Variants in KANSL1L observed in about 807,000 individuals in gnomAD.
KANSL1L encodes the protein KAT8 regulatory NSL complex subunit 1-like protein.
KANSL1L carries 25 observed loss-of-function variants against 108.6 expected under a neutral mutation model. The ratio of observed to expected loss-of-function variants is 0.23; its 90% confidence interval spans 0.17 to 0.32. KANSL1L has a LOEUF of 0.32. Ranked by LOEUF, KANSL1L falls within the 10% of genes least tolerant of loss-of-function variation. KANSL1L has a pLI of 1.00. For missense variants in KANSL1L, 1,137 were observed against 1,125.7 expected (o/e 1.01, Z -0.14); for synonymous variants, 405 against 395.1 (o/e 1.03, Z -0.30).
At chr2:210,072,757 C>CCA (rs2094516610) in intron 6 of KANSL1L, among the ~76,000 whole-genome samples, 1 of 152,116 alleles carries the variant, frequency 6.6e-6, no homozygotes, top group African/African-American at 2.4e-5. Flanking sequence ...TTCTAACATG[C>CCA]CACGGACCAG....
chr2:210,029,062 G>A (rs760135315), intron 10 of KANSL1L, 93 bp from the exon 11 acceptor site: 19 of 1,066,878 alleles, frequency 1.8e-5, no homozygotes, highest in East Asian at 8.1e-5. Context: ...GGCAGTACAC[G>A]TTACATAATT....
rs1218420237 is a variant in KANSL1L at position 210,089,538 on chromosome 2, AGTGAG to A, written c.1550+8543_1550+8547del. Among the ~76,000 whole-genome samples, 10 of 152,326 alleles carry A rather than the reference AGTGAG, an allele frequency of 6.6e-5. No homozygotes were observed. In the South Asian group the frequency reaches 2.1e-3, roughly 32 times the overall value. ...CGTTCCATTAAATTTAAAATAAAGA[AGTGAG>A]GTGTAAAGAGATTAACACACCTGCC... On this transcript the variant is annotated intron_variant, in intron 5 of 14. Transcript: ENST00000281772.
chr2:210,024,067 C>A lies in KANSL1L; in HGVS notation c.2699G>T (p.Gly900Val). ...TTGACTTTGATTTAAAGAAGGTAAGCCATATGCACACAGATCCTGGTTCTC... is the reference window on the plus strand; with the variant it reads ...TTGACTTTGATTTAAAGAAGGTAAGACATATGCACACAGATCCTGGTTCTC... ...PSENQDLCAY[G>V]LPSLNQSQET... Residue 900 changes from glycine to valine, a missense_variant, in exon 14 of 15, where the codon GGC becomes GTC. Coordinates refer to ENST00000281772, the MANE Select transcript of KANSL1L (RefSeq NM_152519.4). The A allele has an allele frequency of 6.3e-7, 1 of 1,599,166 alleles. No homozygotes were observed. Among genetic ancestry groups the A allele is most frequent in the Admixed American group, 1.7e-5 (1 of 57,588 alleles).
At chr2:210,089,309 C>T (rs1195095062) in intron 5 of KANSL1L, among the ~76,000 whole-genome samples, 1 of 152,182 alleles carries the variant, frequency 6.6e-6, no homozygotes, top group Non-Finnish European at 1.5e-5. Flanking sequence ...ACAGTAATTT[C>T]TCTCTATTTA....
intron 5 of KANSL1L, chr2:210,096,885 T>G (rs2094741049): frequency 2.2e-6 from 1 of 463,798 alleles, no homozygotes; most frequent in African/African-American, 2.1e-5. Context: ...AAAGATTAGA[T>G]GTTCAAAATA....
At chr2:210,035,421 T>C (rs2094087922) in intron 8 of KANSL1L, among the ~76,000 whole-genome samples, 1 of 152,212 alleles carries the variant, frequency 6.6e-6, no homozygotes, top group Non-Finnish European at 1.5e-5. Flanking sequence ...AGCAAAGATC[T>C]GTCTACTGCC....
chr2:210,162,290 A>G (rs1379072889), intron 1 of KANSL1L, among the ~76,000 whole-genome samples: 2 of 148,138 alleles, frequency 1.4e-5, no homozygotes, highest in African/African-American at 2.5e-5. Context: ...TTCAAGACAG[A>G]GTCAACAATG....
chr2:210,076,759 ATAAAT>A (rs1375455233), intron 5 of KANSL1L, among the ~76,000 whole-genome samples: 5 of 151,800 alleles, frequency 3.3e-5, no homozygotes, highest in Non-Finnish European at 7.4e-5. Flanking sequence ...TCGTTGCCAC[ATAAAT>A]TTAACTTCAT....
At chr2:210,056,005 C>T (rs1275591998) in intron 6 of KANSL1L, among the ~76,000 whole-genome samples, 1 of 152,250 alleles carries the variant, frequency 6.6e-6, no homozygotes, top group Non-Finnish European at 1.5e-5. Context: ...CATCACAGGC[C>T]TGGAGACTTA....
At chr2:210,059,018 G>T (rs757902493) in intron 6 of KANSL1L, among the ~76,000 whole-genome samples, 1 of 151,556 alleles carries the variant, frequency 6.6e-6, no homozygotes, top group Non-Finnish European at 1.5e-5. Context: ...ATGAAATATC[G>T]GGGGTGAATT....
chr2:210,170,872 G>A (rs1160644204), intron 1 of KANSL1L, among the ~76,000 whole-genome samples: 1 of 125,320 alleles, frequency 8.0e-6, no homozygotes, highest in Admixed American at 9.1e-5. Context: ...GTCCAGGTCC[G>A]CCCCCACCCC....
At chr2:210,116,865 G>A (rs1021030678) in intron 3 of KANSL1L, among the ~76,000 whole-genome samples, 3 of 152,160 alleles carry the variant, frequency 2.0e-5, no homozygotes, top group African/African-American at 7.2e-5. Flanking sequence ...AGAACACCCA[G>A]GAACACATGG....
At chr2:210,059,834 C>T (rs552238741) in intron 6 of KANSL1L, among the ~76,000 whole-genome samples, 2 of 152,138 alleles carry the variant, frequency 1.3e-5, no homozygotes, top group South Asian at 2.1e-4. Context: ...CTCCACCTCC[C>T]GGGTTCAAGC....
chr2:210,074,370 CA>C (rs1217577996), intron 6 of KANSL1L, among the ~76,000 whole-genome samples: 1 of 152,120 alleles, frequency 6.6e-6, no homozygotes, highest in East Asian at 1.9e-4. Context: ...TTCTGGCTCA[CA>C]AAAGGTTTGG....
At chr2:210,135,815 T>C (rs1484238421) in intron 2 of KANSL1L, among the ~76,000 whole-genome samples, 1 of 152,100 alleles carries the variant, frequency 6.6e-6, no homozygotes, top group African/African-American at 2.4e-5. Flanking sequence ...CCCTCGAAAA[T>C]ATTTCATGCT....
At chr2:210,042,306 A>C (rs897147332) in intron 7 of KANSL1L, among the ~76,000 whole-genome samples, 1 of 152,196 alleles carries the variant, frequency 6.6e-6, no homozygotes, top group Non-Finnish European at 1.5e-5. Flanking sequence ...TAGTACTTAC[A>C]TATAGTAGGT....
chr2:210,108,531 C>G (rs2125450667), intron 3 of KANSL1L, among the ~76,000 whole-genome samples: 1 of 152,236 alleles, frequency 6.6e-6, no homozygotes, highest in Admixed American at 6.5e-5. Context: ...AAATATAAAT[C>G]TTATTCATCA....
chr2:210,143,709 A>T (rs1052374106), intron 2 of KANSL1L, among the ~76,000 whole-genome samples: 1 of 152,172 alleles, frequency 6.6e-6, no homozygotes. Flanking sequence ...CAAGCTGATA[A>T]TAACTTCAAT....
At chr2:210,028,356 C>G (rs934466111) in intron 11 of KANSL1L, 5 of 150,976 alleles carry the variant, frequency 3.3e-5, no homozygotes, top group African/African-American at 1.2e-4. Flanking sequence ...GACCTTCCCA[C>G]TCATCTTTTG....
Sources: gnomAD v4.1 joint callset for allele counts (sites outside exome capture counted in the v4.1 genomes callset) on GRCh38, gnomAD v4.1.1 for gene constraint, MANE v1.5 for transcripts, NCBI Gene and HGNC (gene_info 2026-07-23, HGNC 2026-07-21) for gene names.